KCNMA1: variants seen among roughly 807,000 people sequenced by gnomAD.
The protein encoded by KCNMA1 is Calcium-activated potassium channel subunit alpha-1.
A neutral mutation model predicts 140.0 loss-of-function variants in KCNMA1; 29 were observed. The ratio of observed to expected loss-of-function variants is 0.21; its 90% CI spans 0.15 to 0.28. KCNMA1 has a LOEUF of 0.28. Among genes scored for constraint, KCNMA1 ranks in the 10% least tolerant of loss-of-function variants. The probability of loss-of-function intolerance (pLI) is 1.00; values close to 1 mark genes in which losing one functional copy is unlikely to be tolerated. For missense variants in KCNMA1, 880 were observed against 1,602.2 expected (o/e 0.55, Z 7.70); for synonymous variants, 612 against 611.9 (o/e 1.00, Z 0.00).
At chr10:76,900,202 C>T (rs2044518895) in intron 25 of KCNMA1, among the ~76,000 whole-genome samples, 2 of 151,626 alleles carry the variant, frequency 1.3e-5, no homozygotes, top group African/African-American at 2.4e-5. Flanking sequence ...GCACTTATTA[C>T]TTTTTGAATT....
chr10:77,627,546 C>T (rs748675870), intron 1 of KCNMA1, among the ~76,000 whole-genome samples: 7 of 152,104 alleles, frequency 4.6e-5, no homozygotes, highest in African/African-American at 9.7e-5. Context: ...CCCAGGGAAG[C>T]CATCAGGGAG....
downstream of KCNMA1, among the ~76,000 whole-genome samples, chr10:76,883,302 G>A (rs199570013): frequency 1.5e-4 from 23 of 152,304 alleles, no homozygotes; most frequent in African/African-American, 5.3e-4. Context: ...ATAAAAATGT[G>A]TAAAGTCAAT....
intron 3 of KCNMA1, among the ~76,000 whole-genome samples, chr10:77,245,151 C>T (rs901093243): frequency 3.9e-5 from 6 of 151,992 alleles, no homozygotes; most frequent in Non-Finnish European, 5.9e-5. Context: ...TAAATGCATG[C>T]CGTGACTTCT....
chr10:77,540,864 G>C (rs890907589), intron 1 of KCNMA1, among the ~76,000 whole-genome samples: 1 of 152,108 alleles, frequency 6.6e-6, no homozygotes, highest in Non-Finnish European at 1.5e-5. Context: ...AAATAGCTGA[G>C]TGTGGTGGTG....
At chr10:77,401,725 G>GT (rs2096273980) in intron 2 of KCNMA1, among the ~76,000 whole-genome samples, 1 of 151,740 alleles carries the variant, frequency 6.6e-6, no homozygotes, top group African/African-American at 2.4e-5. Context: ...GCCTGGATAT[G>GT]TTTTTATTTT....
chr10:77,283,907 A>C (rs2069642462), intron 2 of KCNMA1, among the ~76,000 whole-genome samples: 1 of 152,242 alleles, frequency 6.6e-6, no homozygotes, highest in South Asian at 2.1e-4. Context: ...GGTGAAAAGA[A>C]GTTTCTCAAG....
intron 2 of KCNMA1, among the ~76,000 whole-genome samples, chr10:77,270,873 G>A (rs890049852): frequency 6.6e-6 from 1 of 151,952 alleles, no homozygotes; most frequent in African/African-American, 2.4e-5. Flanking sequence ...AGCCACATTT[G>A]TAATTTTGAA....
intron 2 of KCNMA1, among the ~76,000 whole-genome samples, chr10:77,268,904 G>A (rs553867806): frequency 1.3e-5 from 2 of 152,306 alleles, no homozygotes; most frequent in South Asian, 2.1e-4. Context: ...AACAAAAGCA[G>A]TCTCCAGGAG....
At chr10:76,952,971 T>C (rs2066857348) in intron 21 of KCNMA1, among the ~76,000 whole-genome samples, 1 of 152,166 alleles carries the variant, frequency 6.6e-6, no homozygotes, top group South Asian at 2.1e-4. Flanking sequence ...GACAATAAAC[T>C]GTAGGAAAGC....
chr10:77,593,717 C>G (rs2079934002), intron 1 of KCNMA1, among the ~76,000 whole-genome samples: 1 of 152,228 alleles, frequency 6.6e-6, no homozygotes, highest in African/African-American at 2.4e-5. Context: ...GTGCTCAGCC[C>G]TGAGCGTAGG....
chr10:77,573,068 T>A (rs964616303), intron 1 of KCNMA1, among the ~76,000 whole-genome samples: 5 of 152,090 alleles, frequency 3.3e-5, no homozygotes, highest in Admixed American at 6.6e-5. Context: ...CTTTTCAGAG[T>A]TTGGGGGACT....
exon 28 of KCNMA1, chr10:76,870,678 A>C (rs558801644): frequency 6.6e-6 from 1 of 152,416 alleles, no homozygotes. Flanking sequence ...GTGAAAGGAG[A>C]TGCCCACCCT....
At chr10:77,419,775 C>T (rs1045472500) in intron 1 of KCNMA1, among the ~76,000 whole-genome samples, 1 of 152,106 alleles carries the variant, frequency 6.6e-6, no homozygotes, top group African/African-American at 2.4e-5. Context: ...TATCTTCTGG[C>T]ACAGGACAGA....
intron 1 of KCNMA1, among the ~76,000 whole-genome samples, chr10:77,629,687 T>C (rs1231446727): frequency 1.3e-5 from 2 of 152,194 alleles, no homozygotes; most frequent in Non-Finnish European, 2.9e-5. Context: ...CAAGTACTAA[T>C]AAAAGCCCTA....
At chr10:77,004,860 G>C (rs2087858289) in intron 18 of KCNMA1, among the ~76,000 whole-genome samples, 1 of 152,068 alleles carries the variant, frequency 6.6e-6, no homozygotes, top group Admixed American at 6.6e-5. Context: ...GCTGATTTAG[G>C]TTAGAAGGTT....
chr10:77,289,211 T>C (rs1029170861), intron 2 of KCNMA1, among the ~76,000 whole-genome samples: 3 of 152,146 alleles, frequency 2.0e-5, no homozygotes, highest in Non-Finnish European at 4.4e-5. Flanking sequence ...ACAGGAGCAG[T>C]TCCCTTTCCA....
chr10:77,234,192 A>G (rs2054608870), intron 3 of KCNMA1, among the ~76,000 whole-genome samples: 1 of 152,180 alleles, frequency 6.6e-6, no homozygotes, highest in African/African-American at 2.4e-5. Context: ...TTTTAACATA[A>G]TCTATTTTCT....
At chr10:76,941,952 CTTTA>C (rs1020939008) in intron 23 of KCNMA1, among the ~76,000 whole-genome samples, 32 of 151,910 alleles carry the variant, frequency 2.1e-4, no homozygotes, top group Non-Finnish European at 2.9e-5. Context: ...GCTTCTTTTA[CTTTA>C]TTTATTTGTT....
intron 1 of KCNMA1, among the ~76,000 whole-genome samples, chr10:77,555,499 A>G (rs758272806): frequency 1.3e-5 from 2 of 152,176 alleles, no homozygotes; most frequent in African/African-American, 2.4e-5. Context: ...CTTCAGCATC[A>G]CCTATTTTTT....
Sources: allele counts gnomAD v4.1 joint callset (sites outside exome capture counted in the v4.1 genomes callset), GRCh38; gene constraint gnomAD v4.1.1; transcripts MANE v1.5; gene names NCBI Gene and HGNC (gene_info 2026-07-23, HGNC 2026-07-21).